The following PANK3 variants were observed in gnomAD, a reference collection of about 807,000 sequenced individuals.
The protein encoded by PANK3 is pantothenate kinase 3.
PANK3 carries 20 observed loss-of-function variants against 39.4 expected under a neutral mutation model. The observed-to-expected ratio is 0.51, with a 90% CI of 0.36 to 0.74. The LOEUF (loss-of-function observed/expected upper bound fraction) is 0.74. PANK3 is among the 30% of genes least tolerant of loss of function. The pLI is 0.00. For missense variants in PANK3, 265 were observed against 437.0 expected (o/e 0.61, Z 3.51); for synonymous variants, 140 against 157.3 (o/e 0.89, Z 0.82).
At chr5:168,568,558 G>T in intron 2 of PANK3, 88 bp downstream of exon 2, 1 of 1,007,876 alleles carries the variant, frequency 9.9e-7, no homozygotes, top group Non-Finnish European at 1.5e-6. Flanking sequence ...TGCATGTGCA[G>T]GGAGAATTAA....
At chr5:168,569,023 A>AT (rs1389200040) in intron 1 of PANK3, 25 bp from the exon 2 acceptor site, 39 of 392,192 alleles carry the variant, frequency 9.9e-5, no homozygotes, top group African/African-American at 9.5e-4. Context: ...AAAAAAAAAA[A>AT]AAAAAAAATA....
At chr5:168,562,765 A>C (rs1307237650) in intron 4 of PANK3, among the ~76,000 whole-genome samples, 2 of 152,216 alleles carry the variant, frequency 1.3e-5, no homozygotes, top group Non-Finnish European at 2.9e-5. Flanking sequence ...TTTGTCCCTA[A>C]GTTAATATGT....
In PANK3 at chr5:168,553,251, A is replaced by C. The variant is rs532389415; in HGVS notation, c.*4320T>G. 1.9e-6 allele frequency: 1 copy of C among 516,232 alleles called. No homozygotes were observed. The highest frequency in any genetic ancestry group is 5.8e-5 in the East Asian group (1 of 17,116). The allele number at this position is 516,232 out of a possible 1,614,324, so 32.0% of individuals were successfully genotyped here. ...TACCAACGACGTCCAGCTGGTTGAG[A>C]GCACTAAAGGTACCCCAAAGGGGAG... On this transcript the variant is annotated 3_prime_UTR_variant, in exon 7 of 7. Coordinates refer to ENST00000239231, the MANE Select transcript of PANK3 (RefSeq NM_024594.4).
Position 168,579,136 on chromosome 5 carries a change from A to G in PANK3, c.28+120T>C, listed in dbSNP as rs1466985640. 15 of 892,358 alleles carry G rather than the reference A, an allele frequency of 1.7e-5. No individual in the cohort carries two copies. In the Admixed American group the frequency reaches 6.1e-4, roughly 36 times the overall value. The allele number at this position is 892,358 out of a possible 1,614,324, so 55.3% of individuals were successfully genotyped here. ...TGGCTCAAATGGTCCCTCCGCCCCC[A>G]TACCGGACGAAGCGCCGGCGAGGAG... On this transcript the variant is annotated intron_variant, in intron 1 of 6. Coordinates refer to ENST00000239231, the MANE Select transcript of PANK3 (RefSeq NM_024594.4).
rs1424435579 is a variant in PANK3, at chr5:168,548,753, T to C, written c.*8818A>G. The C allele has an allele frequency of 2.0e-5, 3 of 152,212 alleles. No homozygotes were observed. Among genetic ancestry groups the C allele is most frequent in the Non-Finnish European group, 2.9e-5 (2 of 68,030 alleles). The allele number at this position is 152,212 out of a possible 1,614,324, so 9.4% of individuals were successfully genotyped here. ...CATTTTTCAAATTTACATAAGATAC[T>C]GTACATAAATGAAAAAATAAATTAG... is the stretch of plus-strand genomic sequence containing the variant. On this transcript the variant is annotated 3_prime_UTR_variant, in exon 7 of 7. Coordinates refer to ENST00000239231, the MANE Select transcript of PANK3 (RefSeq NM_024594.4).
chr5:168,564,704 A>C (rs1353591291), intron 3 of PANK3, among the ~76,000 whole-genome samples: 1 of 152,208 alleles, frequency 6.6e-6, no homozygotes, highest in African/African-American at 2.4e-5. Flanking sequence ...CCAAAGTGTT[A>C]GAATTACAGG....
At chr5:168,573,588 G>A (rs977332911) in intron 1 of PANK3, among the ~76,000 whole-genome samples, 9 of 151,746 alleles carry the variant, frequency 5.9e-5, no homozygotes, top group African/African-American at 1.9e-4. Context: ...AGTTACATAT[G>A]TATACATGTG....
intron 1 of PANK3, among the ~76,000 whole-genome samples, chr5:168,569,199 T>C (rs1344758183): frequency 7.1e-6 from 1 of 141,302 alleles, no homozygotes; most frequent in Non-Finnish European, 1.5e-5. Flanking sequence ...TTTTTTTTTT[T>C]TTTGAGATGG....
chr5:168,549,192 CG>C lies in PANK3; in HGVS notation c.*8378del, dbSNP rs1315107009. ...ACATCCTAATACTATTAGTTATATT[CG>C]GGGCAAGCAGACTAGGATATTGGTG... On this transcript the variant is annotated 3_prime_UTR_variant, in exon 7 of 7. Transcript: ENST00000239231. 1 of 152,086 alleles carries C rather than the reference CG, an allele frequency of 6.6e-6. No homozygotes were observed. Among genetic ancestry groups the C allele is most frequent in the Admixed American group, 6.5e-5 (1 of 15,268 alleles). 9.4% of individuals were successfully genotyped at this position (152,086 alleles called of 1,614,324 possible). A position where few individuals can be genotyped will look rare whatever the true frequency, so the allele number is the denominator to read the frequency against.
Position 168,554,303 on chromosome 5 carries a change from T to C in PANK3, c.*3268A>G, listed in dbSNP as rs548346478. The C allele has an allele frequency of 5.9e-5, 9 of 152,346 alleles. No homozygotes were observed. The highest frequency in any genetic ancestry group is 2.2e-4 in the African/African-American group (9 of 41,578). The allele number at this position is 152,346 out of a possible 1,614,324, so 9.4% of individuals were successfully genotyped here. ...AAATCTAGATGTACTTTAAAGAGCT[T>C]AAAAAATTGTTTACATTACACAAGG... On this transcript the variant is annotated 3_prime_UTR_variant, in exon 7 of 7. Coordinates refer to ENST00000239231, the MANE Select transcript of PANK3 (RefSeq NM_024594.4).
Position 168,579,251 on chromosome 5 carries a change from CT to C in PANK3, c.28+4del. On this transcript the variant is annotated splice_donor_region_variant and intron_variant, in intron 1 of 6. Transcript: ENST00000239231. ...CAACCTGGCGGGCCCCAGCCCCCGT[CT>C]TACAGGGTTTCTTGGCATCTTTGAT... 1 of 1,496,532 alleles carries C rather than the reference CT, an allele frequency of 6.7e-7. No individual in the cohort carries two copies. The highest frequency in any genetic ancestry group is 8.9e-7 in the Non-Finnish European group (1 of 1,120,464). 92.7% of individuals were successfully genotyped at this position (1,496,532 alleles called of 1,614,324 possible). A position where few individuals can be genotyped will look rare whatever the true frequency, so the allele number is the denominator to read the frequency against.
Position 168,551,255 on chromosome 5 carries a change from T to A in PANK3, c.*6316A>T, listed in dbSNP as rs764355833. 1 of 152,198 alleles carries A rather than the reference T, an allele frequency of 6.6e-6. No individual in the cohort carries two copies. Among genetic ancestry groups the A allele is most frequent in the African/African-American group, 2.4e-5 (1 of 41,458 alleles). 9.4% of individuals were successfully genotyped at this position (152,198 alleles called of 1,614,324 possible). ...AAAGTTGGCTGAATTCCTTAGGTAT[T>A]AGAATAAACATAAACTTGATCATGG... On this transcript the variant is annotated 3_prime_UTR_variant, in exon 7 of 7. Coordinates refer to ENST00000239231, the MANE Select transcript of PANK3 (RefSeq NM_024594.4).
intron 3 of PANK3, 92 bp from the exon 4 acceptor site, chr5:168,564,157 C>A (rs1759487476): frequency 8.9e-7 from 1 of 1,117,662 alleles, no homozygotes; most frequent in Non-Finnish European, 1.2e-6. Flanking sequence ...ATTCAATGAA[C>A]ACACAGAAAA....
In PANK3 at chr5:168,577,254, T is replaced by G. The variant is rs1202035903; in HGVS notation, c.28+2002A>C. On this transcript the variant is annotated intron_variant, in intron 1 of 6. Coordinates refer to ENST00000239231, the MANE Select transcript of PANK3 (RefSeq NM_024594.4). ...CACACAAAACGTCATGTTCCTTACTTTTACTACAAACAACAGACAGTAAAG... is the reference window on the plus strand; with the variant it reads ...CACACAAAACGTCATGTTCCTTACTGTTACTACAAACAACAGACAGTAAAG... 1.3e-5 allele frequency among the ~76,000 whole-genome samples: 2 copies of G among 152,064 alleles called. 1 individual carries two copies. Among genetic ancestry groups the G allele is most frequent in the Non-Finnish European group, 2.9e-5 (2 of 68,024 alleles).
chr5:168,576,697 T>C (rs1759735722), intron 1 of PANK3, among the ~76,000 whole-genome samples: 1 of 152,122 alleles, frequency 6.6e-6, no homozygotes, highest in African/African-American at 2.4e-5. Context: ...CAATATAATA[T>C]ACAGCTTCTT....
At chr5:168,559,869 T>C (rs1029632280) in intron 5 of PANK3, among the ~76,000 whole-genome samples, 2 of 152,196 alleles carry the variant, frequency 1.3e-5, no homozygotes, top group African/African-American at 4.8e-5. Context: ...CCTAGGATTC[T>C]AGCATTCTTT....
chr5:168,565,887 T>TATATATATATATATATATA lies in PANK3; in HGVS notation c.635+125_635+126insTATATATATATATATATAT, dbSNP rs57306546. On this transcript the variant is annotated intron_variant, in intron 3 of 6. Coordinates refer to ENST00000239231, the MANE Select transcript of PANK3 (RefSeq NM_024594.4). ...AAAAAAAATATATATATATATATAT[T>TATATATATATATATATATA]TTTTTTTTTTGCTGTTGTGCAAATA... The TATATATATATATATATATA allele has an allele frequency of 2.2e-3, 327 of 147,696 alleles. 11 individuals are homozygous for TATATATATATATATATATA. The highest frequency in any genetic ancestry group is 5.7e-3 in the South Asian group (22 of 3,838). The allele number at this position is 147,696 out of a possible 1,614,324, so 9.1% of individuals were successfully genotyped here.
At chr5:168,573,752 G>C (rs1409110728) in intron 1 of PANK3, among the ~76,000 whole-genome samples, 1 of 143,476 alleles carries the variant, frequency 7.0e-6, no homozygotes, top group South Asian at 2.2e-4. Flanking sequence ...CCACCTATGA[G>C]TGAGAATATG....
intron 1 of PANK3, among the ~76,000 whole-genome samples, chr5:168,569,351 AT>A (rs542187942): frequency 2.4e-3 from 342 of 140,900 alleles, no homozygotes; most frequent in Admixed American, 5.3e-3. Context: ...CGCCTGCCTA[AT>A]TTTTTTTTTT....
Sources: allele counts gnomAD v4.1 joint callset (sites outside exome capture counted in the v4.1 genomes callset), GRCh38; gene constraint gnomAD v4.1.1; transcripts MANE v1.5; gene names NCBI Gene and HGNC (gene_info 2026-07-23, HGNC 2026-07-21).